The following DNAH6 variants were observed in gnomAD, a reference collection of about 807,000 sequenced individuals.
DNAH6 encodes the protein dynein axonemal heavy chain 6, also known as axonemal beta dynein heavy chain 6.
DNAH6 carries 340 observed loss-of-function variants against 491.4 expected under a neutral mutation model. The ratio of observed to expected loss-of-function variants is 0.69; its 90% CI spans 0.63 to 0.76. The LOEUF is 0.76. Ranked by LOEUF, DNAH6 falls within the 30% of genes least tolerant of loss-of-function variation. The pLI, the probability that DNAH6 is intolerant of heterozygous loss-of-function variation, is 0.00. For missense variants in DNAH6, 4,443 were observed against 4,972.2 expected, an observed-to-expected ratio of 0.89 and a Z score of 3.20; for synonymous variants, 1,603 against 1,686.1, an observed-to-expected ratio of 0.95 and a Z score of 1.21.
At chr2:84,503,852 G>A in the DNAH6 span, among the ~76,000 whole-genome samples, 1 of 152,018 alleles carries the variant, frequency 6.6e-6, no homozygotes, top group Non-Finnish European at 1.5e-5. Flanking sequence ...ACCTTTGGGA[G>A]TTTGATTATT....
At chr2:84,623,790 T>C (rs1341293100) in intron 26 of DNAH6, among the ~76,000 whole-genome samples, 1 of 152,236 alleles carries the variant, frequency 6.6e-6, no homozygotes. Context: ...TTTCTGAAAA[T>C]GTTTTCATTT....
the DNAH6 span, among the ~76,000 whole-genome samples, chr2:84,486,722 C>T: frequency 6.6e-6 from 1 of 152,146 alleles, no homozygotes; most frequent in Non-Finnish European, 1.5e-5. Flanking sequence ...TTGCCTTTCC[C>T]ATGGCAAGAA....
chr2:84,646,523 A>T (rs1314554645), intron 33 of DNAH6, among the ~76,000 whole-genome samples: 1 of 152,244 alleles, frequency 6.6e-6, no homozygotes, highest in Admixed American at 6.5e-5. Context: ...TTGTGAATGC[A>T]AAGGAAAAGA....
chr2:84,799,456 C>G (rs545561617), intron 70 of DNAH6, among the ~76,000 whole-genome samples: 2 of 152,360 alleles, frequency 1.3e-5, no homozygotes, highest in Admixed American at 1.3e-4. Context: ...GGAGACCCAC[C>G]AGGTCAGGGA....
At chr2:84,698,353 T>A (rs888029711) in intron 47 of DNAH6, among the ~76,000 whole-genome samples, 1 of 152,228 alleles carries the variant, frequency 6.6e-6, no homozygotes, top group Non-Finnish European at 1.5e-5. Flanking sequence ...TCTGCTAATG[T>A]AAGCAGGAAG....
At chr2:84,652,119 C>T in intron 33 of DNAH6, among the ~76,000 whole-genome samples, 1 of 151,976 alleles carries the variant, frequency 6.6e-6, no homozygotes, top group Non-Finnish European at 1.5e-5. Flanking sequence ...TATATCTTTG[C>T]ACACGTATGA....
At chr2:84,733,898 A>G (rs1477358863) in intron 62 of DNAH6, among the ~76,000 whole-genome samples, 1 of 151,670 alleles carries the variant, frequency 6.6e-6, no homozygotes, top group Non-Finnish European at 1.5e-5. Context: ...TTTTTATTGA[A>G]GGATAACATA....
At chr2:84,793,236 A>G (rs1677958104) in intron 68 of DNAH6, among the ~76,000 whole-genome samples, 1 of 152,194 alleles carries the variant, frequency 6.6e-6, no homozygotes, top group Admixed American at 6.5e-5. Flanking sequence ...GGGCGTGCAC[A>G]CACACAAGCG....
At chr2:84,727,317 T>A (rs1698729689) in intron 60 of DNAH6, among the ~76,000 whole-genome samples, 3 of 152,138 alleles carry the variant, frequency 2.0e-5, no homozygotes. Context: ...CACTTTGGGA[T>A]GAATTCTAGA....
the DNAH6 span, among the ~76,000 whole-genome samples, chr2:84,508,331 C>G: frequency 3.3e-4 from 50 of 152,328 alleles, no homozygotes; most frequent in East Asian, 8.1e-3. Context: ...TCCATTTCTT[C>G]TAGATTTTCT....
intron 39 of DNAH6, 68 bp downstream of exon 39, chr2:84,670,543 G>T: frequency 9.3e-7 from 1 of 1,071,090 alleles, no homozygotes. Context: ...CATAAATAGT[G>T]CATGTAATAA....
At position 84,701,120 on chromosome 2, in the gene DNAH6, T is replaced by G; in HGVS notation, c.7842T>G (p.Ser2614=). 1 of 1,551,492 alleles carries G rather than the reference T, an allele frequency of 6.4e-7. No homozygotes were observed. The highest frequency in any genetic ancestry group is 8.7e-7 in the Non-Finnish European group (1 of 1,146,510). Residue 2614 remains serine, a synonymous_variant, in exon 49 of 77, where the codon TCT becomes TCG. Transcript: ENST00000389394. ...AGTGGCCCAGAGAAGCACTTCTTTC[T>G]GTGTCAAAGACATTTTTCTCACAAG... ...FVQWPREALL[S]VSKTFFSQVD...
intron 14 of DNAH6, among the ~76,000 whole-genome samples, chr2:84,582,198 G>A (rs1041236561): frequency 1.2e-4 from 18 of 152,124 alleles, no homozygotes; most frequent in African/African-American, 4.3e-4. Flanking sequence ...TAAGTTTGCA[G>A]GAATATCTTT....
At chr2:84,735,790 A>G (rs1699491331) in intron 62 of DNAH6, among the ~76,000 whole-genome samples, 1 of 152,202 alleles carries the variant, frequency 6.6e-6, no homozygotes, top group Non-Finnish European at 1.5e-5. Context: ...TAAGATGCAT[A>G]GTTTGCAAAT....
chr2:84,789,601 T>G (rs969742707), intron 68 of DNAH6, among the ~76,000 whole-genome samples: 1 of 152,230 alleles, frequency 6.6e-6, no homozygotes, highest in African/African-American at 2.4e-5. Context: ...AACAGTTTTT[T>G]GGAATGCTAA....
the DNAH6 span, among the ~76,000 whole-genome samples, chr2:84,500,979 A>G: frequency 6.6e-6 from 1 of 152,148 alleles, no homozygotes; most frequent in Admixed American, 6.5e-5. Context: ...AAAGAAGGAT[A>G]ATTTGACTTA....
At chr2:84,646,314 C>T (rs1689891409) in intron 33 of DNAH6, among the ~76,000 whole-genome samples, 1 of 152,080 alleles carries the variant, frequency 6.6e-6, no homozygotes, top group Non-Finnish European at 1.5e-5. Flanking sequence ...CTCCTTGGGC[C>T]TCCCTCTTCT....
intron 11 of DNAH6, among the ~76,000 whole-genome samples, chr2:84,572,811 C>G (rs986347887): frequency 6.6e-6 from 1 of 152,192 alleles, no homozygotes; most frequent in African/African-American, 2.4e-5. Context: ...CCAAGACCAA[C>G]AGCAAGTGAA....
rs1463978448 is a variant in DNAH6, at chr2:84,557,928, A to G, written c.1796A>G (p.Gln599Arg). 6.2e-7 allele frequency: 1 copy of G among 1,601,854 alleles called. No homozygotes were observed. The highest frequency in any genetic ancestry group is 8.5e-7 in the Non-Finnish European group (1 of 1,171,230). ...AAGAATTTTCACACAATTATTTCTC[A>G]AATAAAGGTATGTTTACTCTGACTA... The part of the protein sequence containing the change: ...DDKNFHTIIS[Q>R]IKETIQAAFE... The change falls in exon 11 of 77, where the codon CAA becomes CGA. Residue 599 changes from glutamine (Q) to arginine (R), a missense_variant. Gln to Arg is a conservative substitution (Grantham distance 43). Transcript: ENST00000389394.
Sources: allele counts gnomAD v4.1 joint callset (sites outside exome capture counted in the v4.1 genomes callset), GRCh38; gene constraint gnomAD v4.1.1; transcripts MANE v1.5; gene names NCBI Gene and HGNC (gene_info 2026-07-23, HGNC 2026-07-21).